The following CHRM2 variants were observed in gnomAD, a reference collection of about 807,000 sequenced individuals.
CHRM2 encodes cholinergic receptor muscarinic 2.
In CHRM2, 8 loss-of-function variants were observed where a neutral mutation model predicts 25.0. The observed-to-expected ratio is 0.32, with a 90% CI of 0.19 to 0.58. CHRM2 has a LOEUF of 0.58. Among genes scored for constraint, CHRM2 ranks in the 20% least tolerant of loss-of-function variants. The pLI is 0.88. For missense variants in CHRM2, 440 were observed against 567.1 expected (o/e 0.78, Z 2.28); for synonymous variants, 202 against 205.7 (o/e 0.98, Z 0.15).
chr7:136,927,800 T>C (rs1323723497), intron 2 of CHRM2, among the ~76,000 whole-genome samples: 1 of 152,116 alleles, frequency 6.6e-6, no homozygotes, highest in African/African-American at 2.4e-5. Flanking sequence ...TATTTAAATA[T>C]AGGTATTGAA....
chr7:136,879,646 C>A (rs565201177), intron 2 of CHRM2, among the ~76,000 whole-genome samples: 108 of 151,950 alleles, frequency 7.1e-4, no homozygotes, highest in African/African-American at 2.5e-3. Context: ...TGTAACAGGG[C>A]CCTAATTAAT....
intron 2 of CHRM2, among the ~76,000 whole-genome samples, chr7:136,905,846 T>C (rs1563057449): frequency 6.6e-6 from 1 of 151,588 alleles, no homozygotes; most frequent in Non-Finnish European, 1.5e-5. Flanking sequence ...AGAGTATCTA[T>C]CAATACATAT....
intron 2 of CHRM2, among the ~76,000 whole-genome samples, chr7:136,976,274 G>T (rs574931570): frequency 6.6e-6 from 1 of 152,196 alleles, no homozygotes; most frequent in Non-Finnish European, 1.5e-5. Flanking sequence ...GACATGAAAT[G>T]ATCTTAGGAA....
intron 2 of CHRM2, among the ~76,000 whole-genome samples, chr7:136,965,377 A>C (rs1801347134): frequency 6.6e-6 from 1 of 152,132 alleles, no homozygotes; most frequent in African/African-American, 2.4e-5. Flanking sequence ...TAATGAATGG[A>C]ATTGCTATTA....
At chr7:136,999,323 G>C (rs1452087032) in intron 3 of CHRM2, among the ~76,000 whole-genome samples, 1 of 152,032 alleles carries the variant, frequency 6.6e-6, no homozygotes, top group Non-Finnish European at 1.5e-5. Context: ...CATGGCACAC[G>C]TTTATTTATG....
In CHRM2 at chr7:136,945,814, C is replaced by G. The variant is rs560553731; in HGVS notation, c.-124-46373C>G. Among the ~76,000 whole-genome samples the G allele has an allele frequency of 5.9e-5, 9 of 152,244 alleles. No homozygotes were observed. In the South Asian group the frequency reaches 6.2e-4, roughly 11 times the overall value. ...GTACTAATATTAACATATTACATTT[C>G]AGCAATCATTTACTGGGCACTGACT... On this transcript the variant is annotated intron_variant, in intron 2 of 3. Coordinates refer to ENST00000680005, the MANE Select transcript of CHRM2 (RefSeq NM_001006630.2).
At chr7:136,902,059 A>G (rs1446174518) in intron 2 of CHRM2, 2 of 152,074 alleles carry the variant, frequency 1.3e-5, no homozygotes, top group Non-Finnish European at 2.9e-5. Context: ...AGGGTTGTTT[A>G]TAACAGTCCA....
chr7:136,929,611 T>C (rs1287265507), intron 2 of CHRM2, among the ~76,000 whole-genome samples: 1 of 152,126 alleles, frequency 6.6e-6, no homozygotes, highest in African/African-American at 2.4e-5. Flanking sequence ...GTCAATCAGA[T>C]GTCACCATAA....
chr7:136,901,166 C>T (rs975230491), intron 2 of CHRM2, among the ~76,000 whole-genome samples: 1 of 151,950 alleles, frequency 6.6e-6, no homozygotes, highest in Non-Finnish European at 1.5e-5. Context: ...AAAGTGGAAA[C>T]GAGTGCCCTG....
intron 2 of CHRM2, chr7:136,903,383 A>C: frequency 2.7e-6 from 1 of 368,788 alleles, no homozygotes; most frequent in Non-Finnish European, 5.4e-6. Context: ...CCTGCTTTCA[A>C]AAATGGGAAC....
At chr7:136,898,814 T>C (rs1797046813) in intron 2 of CHRM2, 1 of 152,112 alleles carries the variant, frequency 6.6e-6, no homozygotes, top group African/African-American at 2.4e-5. Flanking sequence ...TTTTATTTGT[T>C]GAAGAAAACA....
At chr7:137,003,198 T>G (rs1211371872) in intron 3 of CHRM2, among the ~76,000 whole-genome samples, 1 of 152,156 alleles carries the variant, frequency 6.6e-6, no homozygotes, top group African/African-American at 2.4e-5. Context: ...TAGAAAGATA[T>G]GCAGCCTGGT....
intron 2 of CHRM2, among the ~76,000 whole-genome samples, chr7:136,983,194 T>C (rs549813158): frequency 6.6e-6 from 1 of 152,316 alleles, no homozygotes; most frequent in East Asian, 1.9e-4. Flanking sequence ...ATTAAGTTGA[T>C]CTTCAATCTC....
intron 3 of CHRM2, among the ~76,000 whole-genome samples, chr7:137,011,923 G>A (rs553248280): frequency 2.0e-5 from 3 of 152,072 alleles, no homozygotes; most frequent in African/African-American, 7.2e-5. Context: ...TTTCAGGATT[G>A]TAATTTTGGG....
At chr7:136,876,566 T>G (rs1333052604) in intron 2 of CHRM2, among the ~76,000 whole-genome samples, 1 of 152,090 alleles carries the variant, frequency 6.6e-6, no homozygotes, top group Non-Finnish European at 1.5e-5. Flanking sequence ...TCAAAGAAAC[T>G]GTAGGCAACT....
chr7:136,965,282 T>A (rs1234247596), intron 2 of CHRM2, among the ~76,000 whole-genome samples: 1 of 151,836 alleles, frequency 6.6e-6, no homozygotes. Context: ...AGGAGTCCAT[T>A]TTTTTTTCCT....
At chr7:136,984,858 C>A (rs1802740563) in intron 2 of CHRM2, among the ~76,000 whole-genome samples, 1 of 152,064 alleles carries the variant, frequency 6.6e-6, no homozygotes, top group South Asian at 2.1e-4. Context: ...GTTGGTCTCG[C>A]TGGGAGCTGC....
intron 2 of CHRM2, among the ~76,000 whole-genome samples, chr7:136,919,643 A>C (rs1798313093): frequency 6.6e-6 from 1 of 152,058 alleles, no homozygotes; most frequent in Non-Finnish European, 1.5e-5. Flanking sequence ...CTGTGACCCT[A>C]TAAACCCATG....
intron 2 of CHRM2, among the ~76,000 whole-genome samples, chr7:136,898,334 T>C (rs1035649196): frequency 6.6e-6 from 1 of 152,084 alleles, no homozygotes; most frequent in Non-Finnish European, 1.5e-5. Flanking sequence ...GATCATAGGC[T>C]ATGCCCAATG....
Sources: gnomAD v4.1 joint callset for allele counts (sites outside exome capture counted in the v4.1 genomes callset) on GRCh38, gnomAD v4.1.1 for gene constraint, MANE v1.5 for transcripts, NCBI Gene and HGNC (gene_info 2026-07-23, HGNC 2026-07-21) for gene names.